Variants in UNC5A observed in about 807,000 individuals in gnomAD.
UNC5A encodes netrin receptor UNC5A.
UNC5A carries 20 observed loss-of-function variants against 87.4 expected under a neutral mutation model. That is an observed-to-expected ratio of 0.23 (90% CI 0.16 to 0.33). UNC5A has a LOEUF of 0.33. Among genes scored for constraint, UNC5A ranks in the 10% least tolerant of loss-of-function variants. The pLI is 1.00. For synonymous variants in UNC5A, 438 were observed against 482.3 expected (o/e 0.91, Z 1.20); for missense variants, 844 against 1,133.4 (o/e 0.74, Z 3.67).
chr5:176,855,346 C>A lies in UNC5A; in HGVS notation c.71-7278C>A, dbSNP rs568244292. Among the ~76,000 whole-genome samples, 4 of 152,350 alleles carry A rather than the reference C, an allele frequency of 2.6e-5. No homozygotes were observed. In the East Asian group the frequency reaches 7.7e-4, roughly 29 times the overall value. ...GGGTCTCCCTTCCCAAAAACCCGAC[C>A]AAGATGCTGGAATCCCGTCTATTGG... On this transcript the variant is annotated intron_variant, in intron 1 of 14. Transcript: ENST00000329542.
chr5:176,875,091 C>T lies in UNC5A; in HGVS notation c.1378+525C>T, dbSNP rs1465995776. Among the ~76,000 whole-genome samples the T allele has an allele frequency of 6.6e-6, 1 of 152,190 alleles. No homozygotes were observed. Among genetic ancestry groups the T allele is most frequent in the East Asian group, 1.9e-4 (1 of 5,196 alleles). On this transcript the variant is annotated intron_variant, in intron 8 of 14. Transcript: ENST00000329542. The surrounding 1 kb of genome is among the most constrained non-coding windows in gnomAD (Gnocchi z 5.2). ...GTCCCTCAGCTTAGATGACCCCATGCGCTCCTGGTTTGCTTGCCCCTCTCC... is the reference window on the plus strand; with the variant it reads ...GTCCCTCAGCTTAGATGACCCCATGTGCTCCTGGTTTGCTTGCCCCTCTCC...
intron 2 of UNC5A, among the ~76,000 whole-genome samples, chr5:176,864,217 G>T (rs1049165683): frequency 1.3e-5 from 2 of 152,156 alleles, no homozygotes; most frequent in African/African-American, 4.8e-5. Context: ...CACCTGGAAA[G>T]GGCATCTCCC....
rs1362253271 is a variant in UNC5A at position 176,844,803 on chromosome 5, AC to A, written c.71-17818del. Among the ~76,000 whole-genome samples, 1 of 151,894 alleles carries A rather than the reference AC, an allele frequency of 6.6e-6. No homozygotes were observed. The highest frequency in any genetic ancestry group is 1.5e-5 in the Non-Finnish European group (1 of 67,938). On this transcript the variant is annotated intron_variant, in intron 1 of 14. Coordinates refer to ENST00000329542, the MANE Select transcript of UNC5A (RefSeq NM_133369.3). This position sits in a 1 kb window ranked among gnomAD's most constrained non-coding sequence, Gnocchi z 4.2. The stretch of plus-strand genomic sequence containing the variant: ...ATCACTCACCCCGAGACCCCTCTCC[AC>A]CCTCCAGCACTGCTTGCAGTGGATC...
In UNC5A at chr5:176,878,479, T is replaced by G; in HGVS notation, c.2024T>G (p.Ile675Ser). The G allele has an allele frequency of 6.2e-7, 1 of 1,612,166 alleles. No homozygotes were observed. Among genetic ancestry groups the G allele is most frequent in the Non-Finnish European group, 8.5e-7 (1 of 1,179,116 alleles). Residue 675 changes from isoleucine (I) to serine (S), a missense_variant, in exon 13 of 15, where the codon ATC becomes AGC. This residue lies in a region of UNC5A where 177 missense variants were observed against 279.4 expected (regional missense o/e 0.63). Transcript: ENST00000329542. ...KSKLLVSYQE[I>S]PFYHIWNGTQ... ...TCCTCTCTGCATCCCCATCAGGAGATCCCCTTTTATCACATCTGGAATGGC... is the reference window on the plus strand; with the variant it reads ...TCCTCTCTGCATCCCCATCAGGAGAGCCCCTTTTATCACATCTGGAATGGC...
At chr5:176,864,787 A>G (rs1757931661) in intron 2 of UNC5A, 1 of 455,416 alleles carries the variant, frequency 2.2e-6, no homozygotes, top group African/African-American at 2.0e-5. Context: ...CTCTCAGGGC[A>G]GTGATCCAGC....
chr5:176,867,616 A>T (rs940413384), intron 2 of UNC5A, among the ~76,000 whole-genome samples: 1 of 152,166 alleles, frequency 6.6e-6, no homozygotes, highest in African/African-American at 2.4e-5. Context: ...ATCATACTAC[A>T]TAATCACTGC....
chr5:176,820,179 C>T (rs188473774), intron 1 of UNC5A, among the ~76,000 whole-genome samples: 231 of 152,252 alleles, frequency 1.5e-3, no homozygotes, highest in African/African-American at 5.2e-3. Context: ...GGGTGGATCA[C>T]GAGGTCAGGA....
intron 1 of UNC5A, among the ~76,000 whole-genome samples, chr5:176,847,081 C>T (rs1350866017): frequency 1.3e-5 from 2 of 152,106 alleles, no homozygotes; most frequent in African/African-American, 4.8e-5. Flanking sequence ...TTGTGCCACT[C>T]CGATGGGTGC....
intron 1 of UNC5A, among the ~76,000 whole-genome samples, chr5:176,812,037 T>C (rs1325922998): frequency 6.6e-6 from 1 of 151,974 alleles, no homozygotes; most frequent in Non-Finnish European, 1.5e-5. Context: ...GCCCGCCCCA[T>C]CCTGCCTCCT....
intron 6 of UNC5A, 23 bp from the exon 7 acceptor site, chr5:176,873,945 C>A (rs1261682489): frequency 6.2e-7 from 1 of 1,607,712 alleles, no homozygotes. Flanking sequence ...CTGCCCCCAC[C>A]AAGGCCATGC....
chr5:176,846,135 G>A (rs1757397707), intron 1 of UNC5A, among the ~76,000 whole-genome samples: 1 of 152,134 alleles, frequency 6.6e-6, no homozygotes, highest in African/African-American at 2.4e-5. Context: ...GGCGAGCCTG[G>A]AGGTCCTGAT....
chr5:176,831,561 G>T (rs868517492), intron 1 of UNC5A, among the ~76,000 whole-genome samples: 25 of 152,214 alleles, frequency 1.6e-4, no homozygotes, highest in Non-Finnish European at 1.2e-4. Context: ...GCCGTGGGCT[G>T]GGCTGGTTTT....
In UNC5A at chr5:176,852,344, C is replaced by G. The variant is rs569499639; in HGVS notation, c.71-10280C>G. 2.6e-5 allele frequency among the ~76,000 whole-genome samples: 4 copies of G among 151,818 alleles called. No individual in the cohort carries two copies. In the South Asian group the frequency reaches 8.3e-4, roughly 32 times the overall value. On this transcript the variant is annotated intron_variant, in intron 1 of 14. Coordinates refer to ENST00000329542, the MANE Select transcript of UNC5A (RefSeq NM_133369.3). ...CACATATCACACACAGAAACACACA[C>G]AGAAACACATACACACCCCACACAC...
At chr5:176,878,691 C>A (rs1355298801) in intron 13 of UNC5A, 52 bp downstream of exon 13, 2 of 1,567,406 alleles carry the variant, frequency 1.3e-6, no homozygotes, top group African/African-American at 1.3e-5. Context: ...CTACCAACTC[C>A]CCACCAGCCC....
At chr5:176,842,885 G>A (rs920006696) in intron 1 of UNC5A, among the ~76,000 whole-genome samples, 1 of 152,006 alleles carries the variant, frequency 6.6e-6, no homozygotes, top group African/African-American at 2.4e-5. Context: ...AAAAGGGCTA[G>A]GCACTGTGGC....
At position 176,878,515 on chromosome 5, in the gene UNC5A, A is replaced by G. The variant is rs1758324462; in HGVS notation, c.2060A>G (p.Tyr687Cys). ...FYHIWNGTQR[Y>C]LHCTFTLERV... ...CACATCTGGAATGGCACGCAGCGGT[A>G]CTTGCACTGCACCTTCACCCTGGAG... is the stretch of plus-strand genomic sequence containing the variant. The change falls in exon 13 of 15, where the codon TAC becomes TGC. Residue 687 changes from tyrosine to cysteine, a missense_variant. Tyr to Cys is a radical substitution (Grantham distance 194, BLOSUM62 -2). This residue lies in a region of UNC5A where 177 missense variants were observed against 279.4 expected (regional missense o/e 0.63). Transcript: ENST00000329542. The G allele has an allele frequency of 1.9e-6, 3 of 1,613,174 alleles. No homozygotes were observed. Among genetic ancestry groups the G allele is most frequent in the Non-Finnish European group, 2.5e-6 (3 of 1,179,944 alleles).
intron 1 of UNC5A, among the ~76,000 whole-genome samples, chr5:176,851,695 G>T (rs369988471): frequency 9.2e-5 from 14 of 152,222 alleles, no homozygotes; most frequent in African/African-American, 3.4e-4. Flanking sequence ...GGAGCATGGG[G>T]GCAGGAGGCA....
At chr5:176,862,493 G>A in intron 1 of UNC5A, 131 bp from the exon 2 acceptor site, 1 of 876,528 alleles carries the variant, frequency 1.1e-6, no homozygotes, top group Non-Finnish European at 1.8e-6. Context: ...TTGCCCAGCT[G>A]GGACATGGCA....
intron 1 of UNC5A, among the ~76,000 whole-genome samples, chr5:176,811,178 T>A (rs1184784069): frequency 2.0e-5 from 3 of 152,034 alleles, no homozygotes; most frequent in African/African-American, 7.3e-5. Context: ...GATTAGAGGG[T>A]TTTGAGCCTA....
Sources: gnomAD v4.1 joint callset for allele counts (sites outside exome capture counted in the v4.1 genomes callset) on GRCh38, gnomAD v4.1.1 for gene constraint, gnomAD v4.1.1 regional missense constraint, Gnocchi (gnomAD v3.1) non-coding constraint, MANE v1.5 for transcripts, NCBI Gene and HGNC (gene_info 2026-07-23, HGNC 2026-07-21) for gene names.